The following SS18L1 variants were observed in gnomAD, a reference collection of about 807,000 sequenced individuals.
SS18L1 encodes the protein calcium-responsive transactivator.
A neutral mutation model predicts 70.3 loss-of-function variants in SS18L1; 32 were observed. The ratio of observed to expected loss-of-function variants is 0.46; its 90% CI spans 0.34 to 0.61. The LOEUF (loss-of-function observed/expected upper bound fraction) is 0.61. SS18L1 is among the 20% of genes least tolerant of loss of function. The probability of loss-of-function intolerance (pLI) is 0.01; values close to 1 mark genes in which losing one functional copy is unlikely to be tolerated. For missense variants in SS18L1, 430 were observed against 542.1 expected, an observed-to-expected ratio of 0.79 and a Z score of 2.05; for synonymous variants, 237 against 229.7, an observed-to-expected ratio of 1.03 and a Z score of -0.29.
At position 62,163,649 on chromosome 20, in the gene SS18L1, G is replaced by GGCACA. The variant is rs2057373907; in HGVS notation, c.721+30_721+34dup. 4 of 1,531,510 alleles carry GGCACA rather than the reference G, an allele frequency of 2.6e-6. No individual in the cohort carries two copies. The South Asian group carries it at 5.0e-5, about 19-fold the overall frequency. 94.9% of individuals were successfully genotyped at this position (1,531,510 alleles called of 1,614,324 possible). A position where few individuals can be genotyped will look rare whatever the true frequency, so the allele number is the denominator to read the frequency against. On this transcript the variant is annotated intron_variant, in intron 6 of 10. Transcript: ENST00000331758. ...TAACGCCCGGCCGGGCCAGGTCGCG[G>GGCACA]GCACAGCTGACCGCCGCGGGTCGTG...
chr20:62,144,071 A>G (rs1035254126), intron 1 of SS18L1, among the ~76,000 whole-genome samples, 182 bp downstream of exon 1: 20 of 148,794 alleles, frequency 1.3e-4, no homozygotes, highest in Admixed American at 9.3e-4. Context: ...GCCGGCGGGC[A>G]CCCGGCCGTG....
chr20:62,174,436 T>A lies in SS18L1; in HGVS notation c.1037-81T>A. The A allele has an allele frequency of 6.5e-7, 1 of 1,536,094 alleles. No individual in the cohort carries two copies. Among genetic ancestry groups the A allele is most frequent in the East Asian group, 2.3e-5 (1 of 43,578 alleles). ...ATTTTTCAAGGAGAAGAGGAAGTTT[T>A]AAAAAAAATTTTTAAGTTAAGAAAA... On this transcript the variant is annotated intron_variant, in intron 9 of 10. Transcript: ENST00000331758. The surrounding 1 kb of genome is among the most constrained non-coding windows in gnomAD (Gnocchi z 4.1).
intron 1 of SS18L1, among the ~76,000 whole-genome samples, chr20:62,157,601 G>A (rs922970033): frequency 1.3e-5 from 2 of 152,216 alleles, no homozygotes; most frequent in Non-Finnish European, 2.9e-5. Context: ...GCCCAGCTCT[G>A]GGAGGCCCAC....
At chr20:62,173,026 T>C (rs945012910) in intron 9 of SS18L1, among the ~76,000 whole-genome samples, 1 of 152,242 alleles carries the variant, frequency 6.6e-6, no homozygotes, top group Non-Finnish European at 1.5e-5. Context: ...TGTAATAAAC[T>C]TATTTTGAAT....
intron 1 of SS18L1, among the ~76,000 whole-genome samples, chr20:62,148,451 G>A (rs1264928810): frequency 6.9e-6 from 1 of 144,446 alleles, no homozygotes; most frequent in African/African-American, 2.6e-5. Flanking sequence ...TGGCCTCCTT[G>A]CTGTCTTAGG....
Position 62,161,515 on chromosome 20 carries a change from G to A in SS18L1, c.311G>A (p.Ser104Asn). The A allele has an allele frequency of 6.2e-7, 1 of 1,612,810 alleles. No individual in the cohort carries two copies. The highest frequency in any genetic ancestry group is 1.3e-5 in the African/African-American group (1 of 75,064). Residue 104 changes from serine (S) to asparagine (N), a missense_variant, in exon 4 of 11, where the codon AGC becomes AAC. By Grantham distance (46) the Ser-to-Asn change is conservative. Transcript: ENST00000331758. The surrounding 1 kb of genome is among the most constrained non-coding windows in gnomAD (Gnocchi z 4.4). The stretch of plus-strand genomic sequence containing the variant: ...AGCCAGGGCCTGCACTCTCAGGGCA[G>A]CCTGAGTGACGCCATCAGCACGGGC... ...GSSQGLHSQG[S>N]LSDAISTGLP...
Position 62,158,455 on chromosome 20 carries a change from T to C in SS18L1, c.70-217T>C, listed in dbSNP as rs1316502366. On this transcript the variant is annotated intron_variant, in intron 1 of 10. Transcript: ENST00000331758. This position sits in a 1 kb window ranked among gnomAD's most constrained non-coding sequence, Gnocchi z 4.5. ...CCAACATGAGGCTCAAAGGAAATGC[T>C]CATTGGAGCATTTTGGATTTCGGGT... Among the ~76,000 whole-genome samples the C allele has an allele frequency of 1.3e-5, 2 of 151,744 alleles. No homozygotes were observed. The highest frequency in any genetic ancestry group is 6.6e-5 in the Admixed American group (1 of 15,214).
intron 1 of SS18L1, among the ~76,000 whole-genome samples, chr20:62,148,196 G>A (rs762384189): frequency 1.3e-5 from 2 of 152,268 alleles, no homozygotes; most frequent in Non-Finnish European, 2.9e-5. Context: ...CAGCCCCGGG[G>A]AGGGACCCCG....
intron 3 of SS18L1, among the ~76,000 whole-genome samples, chr20:62,160,876 C>G (rs2057316423): frequency 6.6e-6 from 1 of 151,900 alleles, no homozygotes; most frequent in African/African-American, 2.4e-5. Context: ...GTGCAGACCT[C>G]CAGAGCTGCT....
Position 62,158,080 on chromosome 20 carries a change from C to T in SS18L1, c.70-592C>T, listed in dbSNP as rs542744988. Among the ~76,000 whole-genome samples, 13 of 152,300 alleles carry T rather than the reference C, an allele frequency of 8.5e-5. No homozygotes were observed. The highest frequency in any genetic ancestry group is 2.9e-4 in the African/African-American group (12 of 41,550). ...CTGTGTGGTTGCAATTCGAGGCTAT[C>T]CCCTCCAGCTAGGGGCACCAGGGCC... On this transcript the variant is annotated intron_variant, in intron 1 of 10. Coordinates refer to ENST00000331758, the MANE Select transcript of SS18L1 (RefSeq NM_198935.3). This position sits in a 1 kb window ranked among gnomAD's most constrained non-coding sequence, Gnocchi z 4.5.
intron 10 of SS18L1, among the ~76,000 whole-genome samples, chr20:62,178,178 ACT>A (rs1261343486): frequency 9.1e-6 from 1 of 110,222 alleles, no homozygotes; most frequent in Non-Finnish European, 1.8e-5. Context: ...ACAAGGTCTC[ACT>A]CTGTCACCCA....
chr20:62,159,841 C>T lies in SS18L1; in HGVS notation c.147-36C>T, dbSNP rs929378148. The T allele has an allele frequency of 1.5e-5, 24 of 1,601,260 alleles. No homozygotes were observed. The highest frequency in any genetic ancestry group is 2.0e-5 in the Non-Finnish European group (23 of 1,174,182). The stretch of plus-strand genomic sequence containing the variant: ...GATCCACGTGGGGACTCTGTGGTCC[C>T]GTCGTCCTGCCTCATGCGTGCCCCC... On this transcript the variant is annotated intron_variant, in intron 2 of 10. Transcript: ENST00000331758. The surrounding 1 kb of genome is among the most constrained non-coding windows in gnomAD (Gnocchi z 4.4).
intron 1 of SS18L1, among the ~76,000 whole-genome samples, chr20:62,149,012 C>T (rs1467591190): frequency 6.6e-6 from 1 of 152,224 alleles, no homozygotes; most frequent in Non-Finnish European, 1.5e-5. Flanking sequence ...GGCGGTCCTG[C>T]GGGTGCTCTC....
At chr20:62,147,431 G>A (rs114248684) in intron 1 of SS18L1, among the ~76,000 whole-genome samples, 2 of 152,278 alleles carry the variant, frequency 1.3e-5, no homozygotes, top group African/African-American at 2.4e-5. Flanking sequence ...TGCTCCTTAC[G>A]CTGCTGTTGG....
intron 10 of SS18L1, among the ~76,000 whole-genome samples, chr20:62,178,141 CTTTTTTTTTTTT>C (rs61157167): frequency 1.0e-5 from 1 of 97,830 alleles, no homozygotes; most frequent in South Asian, 2.9e-4. Context: ...GTGGCTTATT[CTTTTTTTTTTTT>C]TTTTTTTTTT....
intron 1 of SS18L1, among the ~76,000 whole-genome samples, chr20:62,157,579 G>T (rs540801283): frequency 6.6e-6 from 1 of 152,334 alleles, no homozygotes; most frequent in South Asian, 2.1e-4. Context: ...GGCGCCTGCA[G>T]AGAGACCCCT....
At chr20:62,144,779 C>G (rs532542847) in intron 1 of SS18L1, among the ~76,000 whole-genome samples, 7 of 152,256 alleles carry the variant, frequency 4.6e-5, no homozygotes, top group African/African-American at 1.7e-4. Flanking sequence ...GGAAGAAAAT[C>G]AGCATTAGCC....
intron 4 of SS18L1, 81 bp from the exon 5 acceptor site, chr20:62,162,671 G>A (rs1249691329): frequency 6.9e-7 from 1 of 1,458,246 alleles, no homozygotes; most frequent in Non-Finnish European, 9.2e-7. Flanking sequence ...GTCACTTGAA[G>A]GGAAATTGGG....
chr20:62,143,812 G>T lies in SS18L1; in HGVS notation c.-9G>T. The T allele has an allele frequency of 1.5e-6, 2 of 1,346,022 alleles. No homozygotes were observed. The highest frequency in any genetic ancestry group is 1.3e-5 in the South Asian group (1 of 76,718). The allele number at this position is 1,346,022 out of a possible 1,614,324, so 83.4% of individuals were successfully genotyped here. On this transcript the variant is annotated 5_prime_UTR_variant, in exon 1 of 11. Coordinates refer to ENST00000331758, the MANE Select transcript of SS18L1 (RefSeq NM_198935.3). ...TCGATGACCACGGGCTGAGCCCCGC[G>T]CCGCCACCATGTCCGTGGCCTTCGC...
Sources: gnomAD v4.1 joint callset for allele counts (sites outside exome capture counted in the v4.1 genomes callset) on GRCh38, gnomAD v4.1.1 for gene constraint, Gnocchi (gnomAD v3.1) non-coding constraint, MANE v1.5 for transcripts, NCBI Gene and HGNC (gene_info 2026-07-23, HGNC 2026-07-21) for gene names.